LRRFIP2: variants seen among roughly 807,000 people sequenced by gnomAD.
LRRFIP2 encodes the protein leucine-rich repeat flightless-interacting protein 2.
In LRRFIP2, 109 loss-of-function variants were observed where a neutral mutation model predicts 125.9. The observed-to-expected ratio is 0.87, with a 90% CI of 0.74 to 1.01. The LOEUF (loss-of-function observed/expected upper bound fraction) is 1.01. LRRFIP2 is among the 50% of genes least tolerant of loss of function. The pLI is 0.00. For missense variants in LRRFIP2, 850 were observed against 862.3 expected (o/e 0.99, Z 0.18); for synonymous variants, 291 against 293.1 (o/e 0.99, Z 0.07).
chr3:37,072,912 A>C, intron 20 of LRRFIP2, 30 bp from the exon 21 acceptor site: 1 of 1,427,282 alleles, frequency 7.0e-7, no homozygotes, highest in East Asian at 2.3e-5. Context: ...GAGAAGTAAT[A>C]AAAGAGCAGA....
intron 19 of LRRFIP2, among the ~76,000 whole-genome samples, chr3:37,075,903 A>T (rs1334715425): frequency 6.6e-6 from 1 of 152,200 alleles, no homozygotes; most frequent in Non-Finnish European, 1.5e-5. Context: ...ATACAAATAT[A>T]TTTAAAAACA....
At chr3:37,065,653 T>G in intron 23 of LRRFIP2, 157 bp downstream of exon 23, 1 of 891,746 alleles carries the variant, frequency 1.1e-6, no homozygotes, top group East Asian at 2.6e-5. Context: ...CAAGGATGTC[T>G]GAAGACAATG....
At chr3:37,059,772 C>T (rs2087983382) in intron 24 of LRRFIP2, among the ~76,000 whole-genome samples, 6 of 148,162 alleles carry the variant, frequency 4.0e-5, no homozygotes, top group Admixed American at 3.4e-4. Flanking sequence ...GGTGACAGAG[C>T]GAGACTCTGT....
intron 15 of LRRFIP2, among the ~76,000 whole-genome samples, chr3:37,100,376 A>C (rs1274315356): frequency 4.0e-5 from 6 of 149,754 alleles, no homozygotes; most frequent in Non-Finnish European, 5.9e-5. Context: ...ACATACATAC[A>C]TGTATACATA....
At chr3:37,152,550 T>A (rs574541508) in intron 1 of LRRFIP2, among the ~76,000 whole-genome samples, 1 of 152,260 alleles carries the variant, frequency 6.6e-6, no homozygotes, top group East Asian at 1.9e-4. Flanking sequence ...TTCAAGTGAT[T>A]CTCCTGTCTC....
intron 18 of LRRFIP2, among the ~76,000 whole-genome samples, chr3:37,087,876 C>G (rs2093170395): frequency 6.6e-6 from 1 of 152,202 alleles, no homozygotes; most frequent in African/African-American, 2.4e-5. Flanking sequence ...AGGCGTAAGC[C>G]ACCGTGCCCA....
chr3:37,156,905 G>C (rs899053364), intron 1 of LRRFIP2, among the ~76,000 whole-genome samples: 8 of 152,056 alleles, frequency 5.3e-5, no homozygotes, highest in Non-Finnish European at 1.0e-4. Flanking sequence ...CAAGGCAGGC[G>C]CATCACCTGA....
Position 37,091,499 on chromosome 3 carries a change from C to T in LRRFIP2, c.1075G>A (p.Gly359Arg). ...DLKDQIQDVE[G>R]RYMQGLKELK... ...TCTTTAAGCCCCTGCATGTATCTCC[C>T]TTCTACATCCTGTATCTGGTCCTTA... Residue 359 changes from glycine to arginine, a missense_variant, in exon 18 of 28, where the codon GGG becomes AGG. Physicochemically the swap from Gly to Arg is moderately radical, Grantham distance 125. Coordinates refer to ENST00000336686, the MANE Select transcript of LRRFIP2 (RefSeq NM_006309.4). 6.2e-7 allele frequency: 1 copy of T among 1,612,484 alleles called. No individual in the cohort carries two copies. The highest frequency in any genetic ancestry group is 1.3e-5 in the African/African-American group (1 of 74,972).
chr3:37,062,298 T>G (rs2088969853), intron 24 of LRRFIP2, among the ~76,000 whole-genome samples: 1 of 152,192 alleles, frequency 6.6e-6, no homozygotes, highest in South Asian at 2.1e-4. Flanking sequence ...ATTTATTCAC[T>G]GAAATATCCC....
At chr3:37,084,794 G>GT (rs796508525) in intron 18 of LRRFIP2, among the ~76,000 whole-genome samples, 1 of 151,902 alleles carries the variant, frequency 6.6e-6, no homozygotes, top group South Asian at 2.1e-4. Flanking sequence ...TAGCTTACAT[G>GT]TTTTTTTGTG....
intron 17 of LRRFIP2, among the ~76,000 whole-genome samples, chr3:37,092,869 C>T (rs1286693325): frequency 1.3e-5 from 2 of 151,940 alleles, no homozygotes; most frequent in South Asian, 4.1e-4. Context: ...GATGGATTCT[C>T]GCACTGTTGC....
At position 37,148,895 on chromosome 3, in the gene LRRFIP2, T is replaced by A; in HGVS notation, c.89A>T (p.Glu30Val). Residue 30 changes from glutamate (E) to valine (V), a missense_variant and splice_region_variant, in exon 2 of 28, where the codon GAG (glutamate) becomes GTG (valine). Transcript: ENST00000336686. ...EDEALSNIAR[E>V]AEARLAAKRA... The stretch of plus-strand genomic sequence containing the variant: ...TGAGAGGGGATTTACCAAACATACC[T>A]CTCTGGCAATGTTACTCAAAGCTTC... 6.2e-7 allele frequency: 1 copy of A among 1,614,052 alleles called. No individual in the cohort carries two copies. The highest frequency in any genetic ancestry group is 1.1e-5 in the South Asian group (1 of 91,078).
At chr3:37,139,142 T>C (rs2095629625) in intron 2 of LRRFIP2, among the ~76,000 whole-genome samples, 1 of 134,004 alleles carries the variant, frequency 7.5e-6, no homozygotes, top group South Asian at 2.2e-4. Flanking sequence ...CACTGCACGA[T>C]TTAAACAAAA....
chr3:37,115,355 T>C (rs1168142817), intron 6 of LRRFIP2, among the ~76,000 whole-genome samples: 5 of 151,976 alleles, frequency 3.3e-5, no homozygotes, highest in Admixed American at 3.3e-4. Flanking sequence ...TAATCAGTAA[T>C]AGTGATATGA....
At chr3:37,061,918 C>T (rs2088871361) in intron 24 of LRRFIP2, among the ~76,000 whole-genome samples, 1 of 152,174 alleles carries the variant, frequency 6.6e-6, no homozygotes. Context: ...CCAGGTCATT[C>T]TCTCTAGACC....
Position 37,127,627 on chromosome 3 carries a change from T to C in LRRFIP2, c.228+3A>G. 6.2e-7 allele frequency: 1 copy of C among 1,613,530 alleles called. No homozygotes were observed. The highest frequency in any genetic ancestry group is 8.5e-7 in the Non-Finnish European group (1 of 1,179,510). On this transcript the variant is annotated splice_donor_region_variant and intron_variant, in intron 4 of 27. Transcript: ENST00000336686. ...ACATGCAGGACAGGCAATACTGGCC[T>C]ACCAGCCACTTCTGAATCTGTCCCC...
chr3:37,092,191 T>C (rs1423690867), intron 17 of LRRFIP2, among the ~76,000 whole-genome samples: 3 of 152,166 alleles, frequency 2.0e-5, no homozygotes, highest in Non-Finnish European at 4.4e-5. Context: ...ATAAGAAAAG[T>C]GAAACAGGTC....
intron 6 of LRRFIP2, among the ~76,000 whole-genome samples, chr3:37,118,069 C>A (rs1271712874): frequency 6.6e-6 from 1 of 152,080 alleles, no homozygotes; most frequent in Admixed American, 6.6e-5. Context: ...GGCAATGTAT[C>A]CCTACTGCTC....
At chr3:37,075,932 C>A (rs13083827) in intron 19 of LRRFIP2, among the ~76,000 whole-genome samples, 1 of 152,034 alleles carries the variant, frequency 6.6e-6, no homozygotes, top group African/African-American at 2.4e-5. Context: ...AAGAGCATCT[C>A]AAATCAATGA....
Sources: gnomAD v4.1 joint callset for allele counts (sites outside exome capture counted in the v4.1 genomes callset) on GRCh38, gnomAD v4.1.1 for gene constraint, MANE v1.5 for transcripts, NCBI Gene and HGNC (gene_info 2026-07-23, HGNC 2026-07-21) for gene names.